Variants in BIRC6 observed in about 807,000 individuals in gnomAD.
BIRC6 encodes dual E2 ubiquitin-conjugating enzyme/E3 ubiquitin-protein ligase BIRC6.
A neutral mutation model predicts 503.3 loss-of-function variants in BIRC6; 98 were observed. The observed-to-expected ratio is 0.19, with a 90% CI of 0.17 to 0.23. The LOEUF (loss-of-function observed/expected upper bound fraction) is 0.23. Among genes scored for constraint, BIRC6 ranks in the 10% least tolerant of loss-of-function variants. The probability of loss-of-function intolerance (pLI) is 1.00; values close to 1 mark genes in which losing one functional copy is unlikely to be tolerated. For synonymous variants in BIRC6, 2,240 were observed against 2,078.7 expected (o/e 1.08, Z -2.11); for missense variants, 5,360 against 5,806.0 (o/e 0.92, Z 2.50).
intron 16 of BIRC6, 65 bp downstream of exon 16, chr2:32,439,751 A>G (rs2045191918): frequency 1.4e-6 from 2 of 1,443,542 alleles, no homozygotes; most frequent in East Asian, 4.6e-5. Flanking sequence ...GATTTAACAC[A>G]CTATTAGAAG....
intron 5 of BIRC6, among the ~76,000 whole-genome samples, chr2:32,394,028 G>A (rs1221002981): frequency 6.6e-6 from 1 of 151,128 alleles, no homozygotes; most frequent in Non-Finnish European, 1.5e-5. Context: ...TTTGGAGACT[G>A]GCTAATATTA....
chr2:32,380,085 GA>G, intron 2 of BIRC6, 67 bp from the exon 3 acceptor site: 1 of 1,141,604 alleles, frequency 8.8e-7, no homozygotes, highest in East Asian at 2.6e-5. Flanking sequence ...AAGAGGATCT[GA>G]ATTTAATTTT....
chr2:32,516,844 G>T, intron 55 of BIRC6, among the ~76,000 whole-genome samples: 1 of 152,008 alleles, frequency 6.6e-6, no homozygotes, highest in Non-Finnish European at 1.5e-5. Flanking sequence ...CTGCCTCAAG[G>T]ATTTTTTGAG....
intron 3 of BIRC6, among the ~76,000 whole-genome samples, chr2:32,384,562 A>G (rs557164486): frequency 1.3e-5 from 2 of 152,296 alleles, no homozygotes; most frequent in East Asian, 3.9e-4. Flanking sequence ...ATTGCTGCCT[A>G]GTCCATGACT....
intron 26 of BIRC6, 133 bp downstream of exon 26, chr2:32,465,297 T>G (rs1336483339): frequency 1.7e-6 from 1 of 576,752 alleles, no homozygotes; most frequent in African/African-American, 2.0e-5. Context: ...TTGGGTTAAG[T>G]ACATTTTATC....
Position 32,479,452 on chromosome 2 carries a change from T to C in BIRC6, c.7253-10T>C, listed in dbSNP as rs774576945. ...AAATTATTAAAACAGGACTATCCCC[T>C]TACATACAGGAGAATTACTGGCTCC... On this transcript the variant is annotated splice_polypyrimidine_tract_variant and intron_variant, in intron 36 of 73. Transcript: ENST00000421745. 6.3e-7 allele frequency: 1 copy of C among 1,589,558 alleles called. No individual in the cohort carries two copies. The highest frequency in any genetic ancestry group is 1.1e-5 in the South Asian group (1 of 87,436).
chr2:32,586,076 T>C (rs966520830), intron 66 of BIRC6, among the ~76,000 whole-genome samples: 1 of 152,160 alleles, frequency 6.6e-6, no homozygotes, highest in African/African-American at 2.4e-5. Context: ...GATAGTTTGA[T>C]TGACCCATAG....
Position 32,515,245 on chromosome 2 carries a change from A to T in BIRC6, c.10824A>T (p.Ser3608=). The change falls in exon 55 of 74, where the codon TCA becomes TCT. Residue 3608 remains serine (S), a synonymous_variant. Coordinates refer to ENST00000421745, the MANE Select transcript of BIRC6 (RefSeq NM_016252.4). ...AAGCACCTCTCGCATTAACTGAATC[A>T]CATTTGGCTACCCTTGCTTCCTCTT... ...NAQAPLALTE[S]HLATLASSSQ... 8 of 1,613,916 alleles carry T rather than the reference A, an allele frequency of 5.0e-6. No homozygotes were observed. The highest frequency in any genetic ancestry group is 1.3e-5 in the African/African-American group (1 of 75,062).
At chr2:32,480,405 G>T (rs1400604329) in intron 37 of BIRC6, among the ~76,000 whole-genome samples, 2 of 152,022 alleles carry the variant, frequency 1.3e-5, no homozygotes, top group Non-Finnish European at 2.9e-5. Context: ...GGATTGGAGA[G>T]TTTTATTAAT....
intron 10 of BIRC6, among the ~76,000 whole-genome samples, chr2:32,416,786 CCCCCTTTCTTTCCCCCCT>C (rs1202279303): frequency 1.8e-5 from 2 of 109,592 alleles, no homozygotes; most frequent in Admixed American, 1.1e-4. Flanking sequence ...TTTCCCCTTT[CCCCCTTTCTTTCCCCCCT>C]CCCCTTTCTT....
Position 32,481,838 on chromosome 2 carries a change from A to G in BIRC6, c.7542+385A>G, listed in dbSNP as rs574958708. On this transcript the variant is annotated intron_variant, in intron 38 of 73. Coordinates refer to ENST00000421745, the MANE Select transcript of BIRC6 (RefSeq NM_016252.4). ...CATACTTTTGGCTTAGTAATTACTT[A>G]AAAGAGGAAAATATACATACATTAC... is the stretch of plus-strand genomic sequence containing the variant. 7.9e-5 allele frequency among the ~76,000 whole-genome samples: 12 copies of G among 152,306 alleles called. No homozygotes were observed. In the South Asian group the frequency reaches 2.3e-3, roughly 29 times the overall value.
At position 32,481,880 on chromosome 2, in the gene BIRC6, T is replaced by C. The variant is rs577557913; in HGVS notation, c.7542+427T>C. Among the ~76,000 whole-genome samples, 100 of 152,292 alleles carry C rather than the reference T, an allele frequency of 6.6e-4. No individual in the cohort carries two copies. In the Middle Eastern group the frequency reaches 0.01, roughly 16 times the overall value. On this transcript the variant is annotated intron_variant, in intron 38 of 73. Transcript: ENST00000421745. The stretch of plus-strand genomic sequence containing the variant: ...ATACATTACCACTAATGCAACTCAT[T>C]ATTCAGCATTTTCAAAATGAAATTG...
chr2:32,518,412 C>G lies in BIRC6; in HGVS notation c.11493+15C>G, dbSNP rs192659133. 4.4e-6 allele frequency: 7 copies of G among 1,597,930 alleles called. No individual in the cohort carries two copies. Among genetic ancestry groups the G allele is most frequent in the Admixed American group, 3.6e-5 (2 of 54,854 alleles). ...CTCCATGTCCAGTGAGTATTTAACACTTAATCATTGGCTGTGTATACATGT... is the reference window on the plus strand; with the variant it reads ...CTCCATGTCCAGTGAGTATTTAACAGTTAATCATTGGCTGTGTATACATGT... On this transcript the variant is annotated intron_variant, in intron 56 of 73. Coordinates refer to ENST00000421745, the MANE Select transcript of BIRC6 (RefSeq NM_016252.4).
chr2:32,525,056 G>T, intron 58 of BIRC6, 37 bp downstream of exon 58: 1 of 1,427,114 alleles, frequency 7.0e-7, no homozygotes, highest in Non-Finnish European at 9.2e-7. Flanking sequence ...GATTTTGTTT[G>T]GGTTTCTATA....
intron 67 of BIRC6, among the ~76,000 whole-genome samples, chr2:32,594,685 A>C (rs1485558355): frequency 1.3e-5 from 2 of 149,166 alleles, no homozygotes; most frequent in African/African-American, 5.1e-5. Context: ...AGACAGAGTA[A>C]TACTCTGTTT....
intron 52 of BIRC6, among the ~76,000 whole-genome samples, chr2:32,510,233 C>T (rs775374046): frequency 6.6e-6 from 1 of 152,178 alleles, no homozygotes; most frequent in Non-Finnish European, 1.5e-5. Context: ...CATCTGCCAC[C>T]ACACCCGGCT....
At chr2:32,540,150 G>T (rs2057545438) in intron 61 of BIRC6, among the ~76,000 whole-genome samples, 1 of 151,984 alleles carries the variant, frequency 6.6e-6, no homozygotes, top group South Asian at 2.1e-4. Context: ...AGAATTTTTA[G>T]TCTGTTTTCA....
chr2:32,580,926 C>G (rs1184623330), intron 66 of BIRC6, among the ~76,000 whole-genome samples: 1 of 152,150 alleles, frequency 6.6e-6, no homozygotes, highest in African/African-American at 2.4e-5. Flanking sequence ...AGATTTATCT[C>G]TAGGGATCTC....
intron 65 of BIRC6, among the ~76,000 whole-genome samples, chr2:32,573,653 G>A (rs181305771): frequency 3.7e-4 from 56 of 152,220 alleles, no homozygotes; most frequent in Admixed American, 2.6e-4. Context: ...TGTGTTCCTC[G>A]AGTAAGGAAT....
Sources: gnomAD v4.1 joint callset for allele counts (sites outside exome capture counted in the v4.1 genomes callset) on GRCh38, gnomAD v4.1.1 for gene constraint, MANE v1.5 for transcripts, NCBI Gene and HGNC (gene_info 2026-07-23, HGNC 2026-07-21) for gene names.